NCKAP5: variants seen among roughly 807,000 people sequenced by gnomAD.
NCKAP5 encodes nck-associated protein 5.
Under a neutral mutation model 167.0 loss-of-function variants are expected in NCKAP5, and 92 were observed. The ratio of observed to expected loss-of-function variants is 0.55; its 90% CI spans 0.47 to 0.66. The LOEUF is 0.66. Ranked by LOEUF, NCKAP5 falls within the 30% of genes least tolerant of loss-of-function variation. The pLI is 0.00. For synonymous variants in NCKAP5, 891 were observed against 877.4 expected (o/e 1.02, Z -0.27); for missense variants, 2,378 against 2,315.0 (o/e 1.03, Z -0.56).
At position 133,329,651 on chromosome 2, in the gene NCKAP5, C is replaced by T. The variant is rs1682696729; in HGVS notation, c.70-26541G>A. ...AATTAAGGTTACACACAAGGGAGAA[C>T]ATCTGTATCATGACACATTGAAATA... On this transcript the variant is annotated intron_variant, in intron 3 of 19. Transcript: ENST00000409261. 1.3e-5 allele frequency among the ~76,000 whole-genome samples: 2 copies of T among 152,162 alleles called. 1 individual carries two copies. Among genetic ancestry groups the T allele is most frequent in the South Asian group, 4.1e-4 (2 of 4,832 alleles).
At chr2:132,845,091 C>A (rs540154987) in intron 11 of NCKAP5, among the ~76,000 whole-genome samples, 1 of 152,162 alleles carries the variant, frequency 6.6e-6, no homozygotes, top group Admixed American at 6.5e-5. Context: ...AGTTCATCAG[C>A]CATTTGTGTT....
chr2:132,792,748 G>A (rs529045274), intron 12 of NCKAP5, among the ~76,000 whole-genome samples: 1 of 152,258 alleles, frequency 6.6e-6, no homozygotes, highest in African/African-American at 2.4e-5. Flanking sequence ...AGGTATTGAG[G>A]GAGGCTTGCA....
At chr2:132,694,349 T>G (rs78702788) in intron 19 of NCKAP5, among the ~76,000 whole-genome samples, 5,484 of 152,184 alleles carry the variant, frequency 0.036, 155 homozygotes, top group Non-Finnish European at 0.053. Flanking sequence ...GGAAGTCTAT[T>G]TGGATGCACA....
chr2:132,871,921 G>C lies in NCKAP5; in HGVS notation c.649-2947C>G, dbSNP rs1405991446. On this transcript the variant is annotated intron_variant, in intron 9 of 19. Coordinates refer to ENST00000409261, the MANE Select transcript of NCKAP5 (RefSeq NM_207363.3). ...TGATGCATAAATAGGACAGCTGTTT[G>C]GAGTTTGTGCCTGCAACCTCTACTA... is the stretch of plus-strand genomic sequence containing the variant. 5.3e-5 allele frequency among the ~76,000 whole-genome samples: 8 copies of C among 151,468 alleles called. No homozygotes were observed. In the Admixed American group the frequency reaches 5.4e-4, roughly 10 times the overall value.
chr2:132,891,759 T>A (rs56114626), intron 8 of NCKAP5, among the ~76,000 whole-genome samples: 2 of 152,196 alleles, frequency 1.3e-5, no homozygotes, highest in African/African-American at 2.4e-5. Flanking sequence ...CAGGGGGATA[T>A]ACAGAAAAGA....
intron 8 of NCKAP5, among the ~76,000 whole-genome samples, chr2:132,962,630 A>G (rs753649626): frequency 7.9e-5 from 12 of 152,018 alleles, no homozygotes; most frequent in South Asian, 2.1e-4. Context: ...TGAGTCTGTC[A>G]CCCAGGCTGG....
At chr2:133,116,167 T>C (rs1325436512) in intron 6 of NCKAP5, among the ~76,000 whole-genome samples, 1 of 152,136 alleles carries the variant, frequency 6.6e-6, no homozygotes, top group Non-Finnish European at 1.5e-5. Context: ...AATGTATGTC[T>C]AACTTTTTTG....
At chr2:133,595,837 G>A in the NCKAP5 span, among the ~76,000 whole-genome samples, 1 of 152,066 alleles carries the variant, frequency 6.6e-6, no homozygotes, top group East Asian at 1.9e-4. Flanking sequence ...TTTATCTATA[G>A]ACACTGAAAT....
intron 3 of NCKAP5, among the ~76,000 whole-genome samples, chr2:133,387,462 T>C (rs1266514160): frequency 6.6e-6 from 1 of 152,218 alleles, no homozygotes; most frequent in African/African-American, 2.4e-5. Flanking sequence ...GACCTTTCTG[T>C]CTGGCTGCCC....
intron 16 of NCKAP5, among the ~76,000 whole-genome samples, chr2:132,762,078 C>A (rs753342294): frequency 2.6e-5 from 4 of 152,224 alleles, no homozygotes; most frequent in Non-Finnish European, 5.9e-5. Context: ...TCCACTCCAT[C>A]CTCGTCACGC....
intron 8 of NCKAP5, among the ~76,000 whole-genome samples, chr2:132,895,909 C>A (rs578130296): frequency 1.3e-5 from 2 of 151,510 alleles, no homozygotes; most frequent in African/African-American, 4.8e-5. Flanking sequence ...CCGAGGTGGG[C>A]AGATCACCTG....
At chr2:133,090,260 G>A (rs2081129897) in intron 6 of NCKAP5, among the ~76,000 whole-genome samples, 2 of 151,744 alleles carry the variant, frequency 1.3e-5, no homozygotes, top group South Asian at 4.2e-4. Context: ...CTTTGCAGTT[G>A]TAATTAGGTA....
At chr2:133,570,168 A>G (rs764318120), upstream of NCKAP5, among the ~76,000 whole-genome samples, 19 of 152,220 alleles carry the variant, frequency 1.2e-4, no homozygotes, top group Non-Finnish European at 2.5e-4. Context: ...AACACGAAAA[A>G]GAACTTTGCA....
At chr2:133,487,523 C>T (rs527464508) in intron 3 of NCKAP5, among the ~76,000 whole-genome samples, 10 of 152,046 alleles carry the variant, frequency 6.6e-5, no homozygotes, top group Non-Finnish European at 1.0e-4. Flanking sequence ...AGAGATTAAG[C>T]GGTCTCTAAA....
At chr2:132,813,209 A>G (rs1686017756) in intron 11 of NCKAP5, among the ~76,000 whole-genome samples, 1 of 152,374 alleles carries the variant, frequency 6.6e-6, no homozygotes, top group South Asian at 2.1e-4. Flanking sequence ...GAGATGTGTC[A>G]GCAATCAGGA....
intron 9 of NCKAP5, among the ~76,000 whole-genome samples, chr2:132,874,456 T>C (rs1691107255): frequency 6.6e-6 from 1 of 152,154 alleles, no homozygotes. Flanking sequence ...AGGATATGCC[T>C]GAGAGTGTCC....
At chr2:133,657,571 A>G in the NCKAP5 span, among the ~76,000 whole-genome samples, 8 of 152,190 alleles carry the variant, frequency 5.3e-5, no homozygotes, top group Non-Finnish European at 1.0e-4. Context: ...AGTCAAAGAG[A>G]CATTACAGCC....
At chr2:133,081,092 G>A (rs985863499) in intron 6 of NCKAP5, among the ~76,000 whole-genome samples, 2 of 152,102 alleles carry the variant, frequency 1.3e-5, no homozygotes, top group Non-Finnish European at 2.9e-5. Flanking sequence ...ATGTGGTACA[G>A]TATGAAAGCA....
chr2:133,107,823 C>A (rs191584169), intron 6 of NCKAP5, among the ~76,000 whole-genome samples: 1 of 152,212 alleles, frequency 6.6e-6, no homozygotes, highest in African/African-American at 2.4e-5. Flanking sequence ...TTCTGCCCAT[C>A]ATGAAGGCAT....
Sources: gnomAD v4.1 joint callset for allele counts (sites outside exome capture counted in the v4.1 genomes callset) on GRCh38, gnomAD v4.1.1 for gene constraint, MANE v1.5 for transcripts, NCBI Gene and HGNC (gene_info 2026-07-23, HGNC 2026-07-21) for gene names.